The following RCC1 variants were observed in gnomAD, a reference collection of about 807,000 sequenced individuals.
RCC1 encodes the protein regulator of chromosome condensation 1.
A neutral mutation model predicts 44.4 loss-of-function variants in RCC1; 11 were observed. The ratio of observed to expected loss-of-function variants is 0.25; its 90% CI spans 0.16 to 0.41. RCC1 has a LOEUF of 0.41. RCC1 is among the 10% of genes least tolerant of loss of function. The pLI is 1.00. For missense variants in RCC1, 386 were observed against 547.1 expected (o/e 0.71, Z 2.94); for synonymous variants, 213 against 216.5 (o/e 0.98, Z 0.14).
At chr1:28,532,796 TTTGTTGTTG>T (rs570603145) in intron 7 of RCC1, 10 of 443,478 alleles carry the variant, frequency 2.3e-5, no homozygotes, top group Non-Finnish European at 1.8e-5. Context: ...ATTGTGGGTT[TTTGTTGTTG>T]TTGTTGTTGT....
intron 4 of RCC1, among the ~76,000 whole-genome samples, chr1:28,525,358 T>A (rs893115523): frequency 2.0e-5 from 3 of 152,130 alleles, no homozygotes; most frequent in Non-Finnish European, 2.9e-5. Context: ...CATAAGACAA[T>A]ATGAGGGGTG....
At chr1:28,510,627 T>C (rs561271178) in intron 3 of RCC1, 6 of 152,338 alleles carry the variant, frequency 3.9e-5, no homozygotes, top group African/African-American at 1.4e-4. Context: ...AAAGCAATTG[T>C]ATTTGTGCTT....
chr1:28,530,260 T>C (rs1664046189), intron 5 of RCC1, among the ~76,000 whole-genome samples: 1 of 152,230 alleles, frequency 6.6e-6, no homozygotes, highest in African/African-American at 2.4e-5. Context: ...GTCCTTGCTC[T>C]GCCACTTTCT....
At chr1:28,534,224 A>G (rs1404449582) in intron 7 of RCC1, among the ~76,000 whole-genome samples, 1 of 151,556 alleles carries the variant, frequency 6.6e-6, no homozygotes. Flanking sequence ...TTTGTCGCCC[A>G]GGCTGGAGTG....
intron 5 of RCC1, among the ~76,000 whole-genome samples, chr1:28,531,539 C>A (rs980146972): frequency 1.3e-5 from 2 of 152,144 alleles, no homozygotes; most frequent in African/African-American, 4.8e-5. Flanking sequence ...CACCAAGATT[C>A]ATTTCACAGT....
intron 5 of RCC1, chr1:28,530,410 T>C (rs1388406776): frequency 1.2e-6 from 1 of 867,076 alleles, no homozygotes; most frequent in Non-Finnish European, 1.8e-6. Flanking sequence ...GGGAGGTGGC[T>C]GTGGTTTCCT....
At chr1:28,533,840 C>CTTTTCTTTTTTTTTTTTTT (rs1664352883) in intron 7 of RCC1, among the ~76,000 whole-genome samples, 1 of 32,674 alleles carries the variant, frequency 3.1e-5, no homozygotes, top group Non-Finnish European at 6.6e-5. Context: ...CTTTTCTTTT[C>CTTTTCTTTTTTTTTTTTTT]TTTTCTTTTT....
At chr1:28,512,968 G>A (rs935520906) in intron 3 of RCC1, among the ~76,000 whole-genome samples, 4 of 151,084 alleles carry the variant, frequency 2.6e-5, no homozygotes, top group African/African-American at 7.4e-5. Context: ...CTAATTTTTT[G>A]TAGAGATGGG....
chr1:28,516,915 A>G (rs958711388), intron 4 of RCC1, 48 bp downstream of exon 4: 6 of 452,100 alleles, frequency 1.3e-5, no homozygotes, highest in Admixed American at 2.4e-5. Context: ...GGCTCTGCAT[A>G]TAAGAATTCA....
At chr1:28,511,044 C>A (rs907465422) in intron 3 of RCC1, among the ~76,000 whole-genome samples, 1 of 152,174 alleles carries the variant, frequency 6.6e-6, no homozygotes, top group African/African-American at 2.4e-5. Flanking sequence ...TGCTAAACTT[C>A]AGCTTGCAAT....
chr1:28,532,131 G>T, intron 6 of RCC1, 40 bp from the exon 7 acceptor site: 2 of 1,600,288 alleles, frequency 1.2e-6, no homozygotes, highest in Non-Finnish European at 1.7e-6. Context: ...AATGGACTGC[G>T]AGGCCAGACG....
chr1:28,528,844 C>CTTTT (rs59005617), intron 4 of RCC1, among the ~76,000 whole-genome samples: 11 of 87,198 alleles, frequency 1.3e-4, no homozygotes, highest in Admixed American at 1.3e-4. Flanking sequence ...GTTTTTCTTC[C>CTTTT]TTTTTTTTTT....
intron 5 of RCC1, among the ~76,000 whole-genome samples, chr1:28,530,269 C>T (rs1364836970): frequency 6.6e-6 from 1 of 152,178 alleles, no homozygotes; most frequent in Non-Finnish European, 1.5e-5. Flanking sequence ...CTGCCACTTT[C>T]TAGCTGCTGG....
intron 7 of RCC1, among the ~76,000 whole-genome samples, chr1:28,534,503 G>A (rs887072201): frequency 1.3e-5 from 2 of 151,868 alleles, no homozygotes; most frequent in Non-Finnish European, 1.5e-5. Context: ...AATTAGAGAC[G>A]AGATCCTGCT....
Position 28,535,140 on chromosome 1 carries a change from G to A in RCC1, c.532G>A (p.Ala178Thr), listed in dbSNP as rs764224573. The A allele has an allele frequency of 1.2e-6, 2 of 1,614,048 alleles. No homozygotes were observed. Among genetic ancestry groups the A allele is most frequent in the Non-Finnish European group, 1.7e-6 (2 of 1,179,874 alleles). Residue 178 changes from alanine (A) to threonine (T), a missense_variant, in exon 8 of 13, where the codon GCC becomes ACC. By Grantham distance (58) the Ala-to-Thr change is moderately conservative (BLOSUM62 0). Transcript: ENST00000683442. ...VQLDVPVVKV[A>T]SGNDHLVMLT... ...GCTGGATGTGCCTGTGGTAAAGGTG[G>A]CCTCAGGTGGGTCTGGGGGCACTTG...
intron 2 of RCC1, chr1:28,508,596 T>C (rs1462091429): frequency 1.9e-6 from 1 of 518,694 alleles, no homozygotes; most frequent in Admixed American, 1.9e-5. Context: ...CTCCCCAGGC[T>C]CTGTCCAAGT....
intron 1 of RCC1, chr1:28,507,701 A>T (rs1268769871): frequency 8.6e-6 from 3 of 349,940 alleles, no homozygotes; most frequent in Non-Finnish European, 1.6e-5. Context: ...TCAAGTGATT[A>T]TGCTAAGTGA....
Position 28,529,891 on chromosome 1 carries a change from A to G in RCC1, c.25A>G (p.Arg9Gly). Residue 9 changes from arginine (R) to glycine (G), a missense_variant, in exon 5 of 13, where the codon AGA becomes GGA. Physicochemically the swap from Arg to Gly is moderately radical, Grantham distance 125 (BLOSUM62 -2). Coordinates refer to ENST00000683442, the MANE Select transcript of RCC1 (RefSeq NM_001381865.2). MSPKRIAK[R>G]RSPPADAIPK... The stretch of plus-strand genomic sequence containing the variant: ...GATGTCACCCAAGCGCATAGCTAAA[A>G]GAAGGTCCCCCCCAGCAGATGCCAT... 2 of 1,614,110 alleles carry G rather than the reference A, an allele frequency of 1.2e-6. No individual in the cohort carries two copies. Among genetic ancestry groups the G allele is most frequent in the Non-Finnish European group, 1.7e-6 (2 of 1,180,008 alleles).
At position 28,529,950 on chromosome 1, in the gene RCC1, C is replaced by T. The variant is rs1441776943; in HGVS notation, c.73+11C>T. 1.9e-6 allele frequency: 3 copies of T among 1,611,820 alleles called. No individual in the cohort carries two copies. Among genetic ancestry groups the T allele is most frequent in the African/African-American group, 2.7e-5 (2 of 74,816 alleles). On this transcript the variant is annotated intron_variant, in intron 5 of 12. Transcript: ENST00000683442. Reference sequence around the variant, plus strand: ...GCAAGAAGGTGAAGGGTAAGTTGGCCTTGGCCTCTTTGTGGGTACAGGTGG... The same window carrying T: ...GCAAGAAGGTGAAGGGTAAGTTGGCTTTGGCCTCTTTGTGGGTACAGGTGG...
Sources: gnomAD v4.1 joint callset for allele counts (sites outside exome capture counted in the v4.1 genomes callset) on GRCh38, gnomAD v4.1.1 for gene constraint, MANE v1.5 for transcripts, NCBI Gene and HGNC (gene_info 2026-07-23, HGNC 2026-07-21) for gene names.